The following CPT1B variants were observed in gnomAD, a reference collection of about 807,000 sequenced individuals.
The protein encoded by CPT1B is carnitine palmitoyltransferase 1B.
Under a neutral mutation model 92.7 loss-of-function variants are expected in CPT1B, and 57 were observed. The ratio of observed to expected loss-of-function variants is 0.62; its 90% CI spans 0.50 to 0.77. The LOEUF (loss-of-function observed/expected upper bound fraction) is 0.77. Ranked by LOEUF, CPT1B falls within the 30% of genes least tolerant of loss-of-function variation. CPT1B has a pLI of 0.00. For missense variants in CPT1B, 983 were observed against 1,017.4 expected, an observed-to-expected ratio of 0.97 and a Z score of 0.46; for synonymous variants, 398 against 383.5, an observed-to-expected ratio of 1.04 and a Z score of -0.44.
chr22:50,576,056 C>T lies in CPT1B; in HGVS notation c.756G>A (p.Val252=), dbSNP rs1221049227. ...IYLRGRSPLM[V]NSNYYVMDLV... is the part of the protein sequence containing the mutation. ...ATACCATGACATAATAGTTGCTGTT[C>T]ACCATGAGAGGGCTCCTGCCTCGAA... The change falls in exon 7 of 20, where the codon GTG becomes GTA. Residue 252 remains valine, a synonymous_variant. Transcript: ENST00000312108. 9 of 1,614,000 alleles carry T rather than the reference C, an allele frequency of 5.6e-6. No individual in the cohort carries two copies. In the African/African-American group the frequency reaches 9.3e-5, roughly 17 times the overall value.
At chr22:50,577,636 C>T in intron 2 of CPT1B, 139 bp downstream of exon 2, 1 of 1,417,810 alleles carries the variant, frequency 7.1e-7, no homozygotes, top group Non-Finnish European at 9.6e-7. Flanking sequence ...ACATCCTGTG[C>T]ACCCCTCTGG....
intron 11 of CPT1B, 74 bp downstream of exon 11, chr22:50,572,801 T>G: frequency 6.7e-7 from 1 of 1,502,764 alleles, no homozygotes; most frequent in South Asian, 1.2e-5. Context: ...CTACCTTCTT[T>G]TATCTTTAAT....
At chr22:50,574,280 G>C in intron 9 of CPT1B, 55 bp downstream of exon 9, 1 of 1,421,280 alleles carries the variant, frequency 7.0e-7, no homozygotes. Flanking sequence ...GAGCAGGCAG[G>C]AGGGCAGCGA....
Position 50,573,519 on chromosome 22 carries a change from C to T in CPT1B, c.1166+1G>A. On this transcript the variant is annotated splice_donor_variant, in intron 10 of 19. Coordinates refer to ENST00000312108, the MANE Select transcript of CPT1B (RefSeq NM_152246.3). LOFTEE classifies it high-confidence loss of function. This position sits in a 1 kb window ranked among gnomAD's most constrained non-coding sequence, Gnocchi z 5.0. ...GACAGTCCCTTCCTAGAGGCCAATA[C>T]CTTCCTCCTGCAGTGAGGGCTGCCA... is the stretch of plus-strand genomic sequence containing the variant. The T allele has an allele frequency of 6.2e-7, 1 of 1,606,280 alleles. No homozygotes were observed. The highest frequency in any genetic ancestry group is 8.5e-7 in the Non-Finnish European group (1 of 1,175,510).
In CPT1B at chr22:50,573,743, G is replaced by A. The variant is rs1282414619; in HGVS notation, c.971-28C>T. The A allele has an allele frequency of 6.2e-7, 1 of 1,600,604 alleles. No homozygotes were observed. The highest frequency in any genetic ancestry group is 1.1e-5 in the South Asian group (1 of 89,848). ...GTGATACAGGCCACGGGCAAGCTGAGGCGGGGCCCCCAGCTACATCCTGGG... is the reference window on the plus strand; with the variant it reads ...GTGATACAGGCCACGGGCAAGCTGAAGCGGGGCCCCCAGCTACATCCTGGG... On this transcript the variant is annotated intron_variant, in intron 9 of 19. Transcript: ENST00000312108. This position sits in a 1 kb window ranked among gnomAD's most constrained non-coding sequence, Gnocchi z 5.0.
rs754252939 is a variant in CPT1B at position 50,577,021 on chromosome 22, G to C, written c.295C>G (p.Gln99Glu). 4 of 1,613,878 alleles carry C rather than the reference G, an allele frequency of 2.5e-6. No homozygotes were observed. Among genetic ancestry groups the C allele is most frequent in the South Asian group, 2.2e-5 (2 of 91,086 alleles). The change falls in exon 4 of 20, where the codon CAG (glutamine) becomes GAG (glutamate). Residue 99 changes from glutamine (Q) to glutamate (E), a missense_variant. Gln to Glu is a conservative substitution (Grantham distance 29, BLOSUM62 2). Transcript: ENST00000312108. The stretch of plus-strand genomic sequence containing the variant: ...AGAAGTGCCCGGGTCTGCGGGGTCT[G>C]GTAGGGGCCACACCTATTGGAGAGG... Reference protein sequence around the residue: ...RCLPQGCGPYQTPQTRALLSM... With the variant: ...RCLPQGCGPYETPQTRALLSM...
chr22:50,578,609 G>C (rs1018071145), upstream of CPT1B: 1 of 164,620 alleles, frequency 6.1e-6, no homozygotes, highest in African/African-American at 2.4e-5. Context: ...TTGCTCAAAG[G>C]TCTGGGAGCC....
Position 50,573,717 on chromosome 22 carries a change from T to A in CPT1B, c.971-2A>T. 1 of 1,611,250 alleles carries A rather than the reference T, an allele frequency of 6.2e-7. No individual in the cohort carries two copies. Among genetic ancestry groups the A allele is most frequent in the Non-Finnish European group, 8.5e-7 (1 of 1,178,950 alleles). On this transcript the variant is annotated splice_acceptor_variant, in intron 9 of 19. Transcript: ENST00000312108. LOFTEE classifies it high-confidence loss of function. This position sits in a 1 kb window ranked among gnomAD's most constrained non-coding sequence, Gnocchi z 5.0. ...TGTCTGAGAGGTGCTGTAGCACATC[T>A]GTGATACAGGCCACGGGCAAGCTGA...
Position 50,570,353 on chromosome 22 carries a change from G to A in CPT1B, c.2082C>T (p.Ile694=), listed in dbSNP as rs2070104979. 6.2e-7 allele frequency: 1 copy of A among 1,609,046 alleles called. No homozygotes were observed. The highest frequency in any genetic ancestry group is 8.5e-7 in the Non-Finnish European group (1 of 1,176,910). ...LSTSQIPQSQ[I]RMFDPEQHPN... is the part of the protein sequence containing the mutation. ...GGTGCTGCTCTGGGTCGAACATGCG[G>A]ATCTGGGATTGGGGGATCTGGCTGG... The change falls in exon 17 of 20, where the codon ATC becomes ATT. Residue 694 remains isoleucine (I), a synonymous_variant. Transcript: ENST00000312108.
Position 50,576,981 on chromosome 22 carries a change from A to C in CPT1B, c.335T>G (p.Phe112Cys), listed in dbSNP as rs1281695466. The C allele has an allele frequency of 6.2e-7, 1 of 1,614,070 alleles. No homozygotes were observed. Among genetic ancestry groups the C allele is most frequent in the Admixed American group, 1.7e-5 (1 of 60,026 alleles). ...GCCCGTCACCCAGACGCCCGTGGAG[A>C]AGATGGCCATGCTGAGAAGTGCCCG... Reference protein sequence around the residue: ...QTRALLSMAIFSTGVWVTGIF... With the variant: ...QTRALLSMAICSTGVWVTGIF... The change falls in exon 4 of 20, where the codon TTC (phenylalanine) becomes TGC (cysteine). Residue 112 changes from phenylalanine (F) to cysteine (C), a missense_variant. By Grantham distance (205) the Phe-to-Cys change is radical (BLOSUM62 -2). Coordinates refer to ENST00000312108, the MANE Select transcript of CPT1B (RefSeq NM_152246.3).
In CPT1B at chr22:50,577,304, C is replaced by T. The variant is rs2070490894; in HGVS notation, c.281+20G>A. The T allele has an allele frequency of 6.2e-7, 1 of 1,613,098 alleles. No homozygotes were observed. The highest frequency in any genetic ancestry group is 1.1e-5 in the South Asian group (1 of 91,038). On this transcript the variant is annotated intron_variant, in intron 3 of 19. Transcript: ENST00000312108. ...AGCCCTCCCTGGTGGCACCTGTGCC[C>T]TTCCAGTTTCACTCCTTACCCCTGA...
In CPT1B at chr22:50,576,845, G is replaced by A; in HGVS notation, c.459+12C>T. 1 of 1,613,690 alleles carries A rather than the reference G, an allele frequency of 6.2e-7. No homozygotes were observed. The highest frequency in any genetic ancestry group is 8.5e-7 in the Non-Finnish European group (1 of 1,179,928). On this transcript the variant is annotated intron_variant, in intron 4 of 19. Transcript: ENST00000312108. The stretch of plus-strand genomic sequence containing the variant: ...CCCAGGTGCCTGAACCCCTCCACTG[G>A]CTGCTGCTCACAGCCCAGATCCTGG...
In CPT1B at chr22:50,574,348, C is replaced by T. The variant is rs144743183; in HGVS notation, c.957G>A (p.Pro319=). Residue 319 remains proline, a synonymous_variant, in exon 9 of 20, where the codon CCG becomes CCA. Coordinates refer to ENST00000312108, the MANE Select transcript of CPT1B (RefSeq NM_152246.3). Reference sequence around the variant, plus strand: ...GGGCTCAGTTACCTGTGTCCTTGCCCGGGATCCGAGTGGTGTTGAACATCC... The same window carrying T: ...GGGCTCAGTTACCTGTGTCCTTGCCTGGGATCCGAGTGGTGTTGAACATCC... ...MERMFNTTRI[P]GKDTDVLQHL... 43 of 1,612,892 alleles carry T rather than the reference C, an allele frequency of 2.7e-5. No homozygotes were observed. The highest frequency in any genetic ancestry group is 1.6e-4 in the African/African-American group (12 of 75,006).
In CPT1B at chr22:50,576,647, C is replaced by G. The variant is rs1230591153; in HGVS notation, c.460-10G>C. Reference sequence around the variant, plus strand: ...GAAGGCGGATACACATCTGGGGGTACAGAGCAGAGTGCTGGGGTGGGAGCC... The same window carrying G: ...GAAGGCGGATACACATCTGGGGGTAGAGAGCAGAGTGCTGGGGTGGGAGCC... On this transcript the variant is annotated splice_polypyrimidine_tract_variant and intron_variant, in intron 4 of 19. Transcript: ENST00000312108. The G allele has an allele frequency of 2.3e-5, 37 of 1,609,856 alleles. No individual in the cohort carries two copies. The highest frequency in any genetic ancestry group is 3.0e-5 in the Non-Finnish European group (35 of 1,177,960).
chr22:50,572,068 G>T lies in CPT1B; in HGVS notation c.1513C>A (p.Leu505Met). ...HLGYTETGHC[L>M]GKPNPALAPP... The stretch of plus-strand genomic sequence containing the variant: ...GCGAGCGCAGGGTTCGGTTTGCCCA[G>T]GCAGTGCCCGGTCTCCGTGTAGCCC... The change falls in exon 13 of 20, where the codon CTG becomes ATG. Residue 505 changes from leucine to methionine, a missense_variant. Transcript: ENST00000312108. 1.9e-6 allele frequency: 3 copies of T among 1,614,194 alleles called. No homozygotes were observed. The highest frequency in any genetic ancestry group is 2.5e-6 in the Non-Finnish European group (3 of 1,180,024).
rs1273940855 is a variant in CPT1B at position 50,577,917 on chromosome 22, C to T, written c.-2G>A. ...CACGGCCTGGTGAGCTTCCGCCATC[C>T]TGGGGGTTGGTCGGCACCTAGGACG... On this transcript the variant is annotated 5_prime_UTR_variant, in exon 2 of 20. Transcript: ENST00000312108. 1.2e-6 allele frequency: 2 copies of T among 1,607,602 alleles called. No individual in the cohort carries two copies. Among genetic ancestry groups the T allele is most frequent in the Non-Finnish European group, 8.5e-7 (1 of 1,175,752 alleles).
In CPT1B at chr22:50,569,396, A is replaced by G. The variant is rs1279029202; in HGVS notation, c.2261T>C (p.Ile754Thr). ...AGCAATGTCCAGCAGGGCTTTGCGG[A>G]TGTGGTTTCCAAAGCGCTGGGCGTT... is the stretch of plus-strand genomic sequence containing the variant. ...ETNAQRFGNH[I>T]RKALLDIADL... Residue 754 changes from isoleucine to threonine, a missense_variant, in exon 19 of 20, where the codon ATC (isoleucine) becomes ACC (threonine). By Grantham distance (89) the Ile-to-Thr change is moderately conservative. Coordinates refer to ENST00000312108, the MANE Select transcript of CPT1B (RefSeq NM_152246.3). The G allele has an allele frequency of 6.2e-7, 1 of 1,614,134 alleles. No homozygotes were observed. The highest frequency in any genetic ancestry group is 1.7e-5 in the Admixed American group (1 of 60,026).
rs768047055 is a variant in CPT1B, at chr22:50,574,431, C to G, written c.886-12G>C. 1 of 1,613,926 alleles carries G rather than the reference C, an allele frequency of 6.2e-7. No individual in the cohort carries two copies. Among genetic ancestry groups the G allele is most frequent in the Non-Finnish European group, 8.5e-7 (1 of 1,179,938 alleles). Reference sequence around the variant, plus strand: ...CCCAGTGCCATCACCTGAGGGAAGGCCCAGCATGGCTCAGACTCAGGTCTC... The same window carrying G: ...CCCAGTGCCATCACCTGAGGGAAGGGCCAGCATGGCTCAGACTCAGGTCTC... On this transcript the variant is annotated splice_polypyrimidine_tract_variant and intron_variant, in intron 8 of 19. Coordinates refer to ENST00000312108, the MANE Select transcript of CPT1B (RefSeq NM_152246.3).
At chr22:50,570,270 C>CCA in intron 17 of CPT1B, 23 bp downstream of exon 17, 1 of 1,515,958 alleles carries the variant, frequency 6.6e-7, no homozygotes, top group South Asian at 1.3e-5. Context: ...TGCTGCCCAC[C>CCA]CACCCCCTTC....
Sources: gnomAD v4.1 joint callset for allele counts on GRCh38, gnomAD v4.1.1 for gene constraint, Gnocchi (gnomAD v3.1) non-coding constraint, MANE v1.5 for transcripts, NCBI Gene and HGNC (gene_info 2026-07-23, HGNC 2026-07-21) for gene names.